The following AK5 variants were observed in gnomAD, a reference collection of about 807,000 sequenced individuals.
AK5 encodes adenylate kinase isoenzyme 5.
A neutral mutation model predicts 69.5 loss-of-function variants in AK5; 27 were observed. That is an observed-to-expected ratio of 0.39 (90% CI 0.29 to 0.54). AK5 has a LOEUF of 0.54. Among genes scored for constraint, AK5 ranks in the 20% least tolerant of loss-of-function variants. AK5 has a pLI of 0.71. For synonymous variants in AK5, 260 were observed against 244.4 expected (o/e 1.06, Z -0.60); for missense variants, 531 against 700.4 (o/e 0.76, Z 2.73).
chr1:77,339,873 G>A (rs1404723428), intron 5 of AK5, among the ~76,000 whole-genome samples: 1 of 151,990 alleles, frequency 6.6e-6, no homozygotes, highest in East Asian at 1.9e-4. Context: ...TCCCGCCTCA[G>A]CCTCCCAAAG....
intron 13 of AK5, among the ~76,000 whole-genome samples, chr1:77,553,429 T>C (rs557141726): frequency 4.6e-5 from 7 of 152,362 alleles, no homozygotes; most frequent in Non-Finnish European, 7.3e-5. Flanking sequence ...AAAGTCCCAC[T>C]ACACATGTGC....
intron 6 of AK5, among the ~76,000 whole-genome samples, chr1:77,408,848 A>G (rs1438131990): frequency 6.6e-6 from 1 of 152,016 alleles, no homozygotes; most frequent in Non-Finnish European, 1.5e-5. Flanking sequence ...TATACATATT[A>G]TTTCATCACC....
chr1:77,522,182 ACTCT>A (rs931938898), intron 12 of AK5, among the ~76,000 whole-genome samples: 4 of 148,132 alleles, frequency 2.7e-5, no homozygotes, highest in Admixed American at 6.7e-5. Context: ...CAATTGTCTG[ACTCT>A]CTCTCTCTCT....
At position 77,390,244 on chromosome 1, in the gene AK5, A is replaced by G. The variant is rs114014445; in HGVS notation, c.892-20737A>G. On this transcript the variant is annotated intron_variant, in intron 6 of 13. Coordinates refer to ENST00000354567, the MANE Select transcript of AK5 (RefSeq NM_174858.3). ...TTATGTTTAGTTTCTTTAAAAAGCC[A>G]CATAAGCACAGTTCTAATGGTGTGA... is the stretch of plus-strand genomic sequence containing the variant. Among the ~76,000 whole-genome samples, 234 of 152,388 alleles carry G rather than the reference A, an allele frequency of 1.5e-3. 2 individuals carry two copies. Among genetic ancestry groups the G allele is most frequent in the African/African-American group, 5.4e-3 (225 of 41,592 alleles).
intron 1 of AK5, among the ~76,000 whole-genome samples, chr1:77,285,686 A>T (rs566194593): frequency 6.6e-6 from 1 of 152,300 alleles, no homozygotes; most frequent in East Asian, 1.9e-4. Context: ...GACACATCAG[A>T]CACCATGAAC....
In AK5 at chr1:77,557,532, C is replaced by T. The variant is rs150502075; in HGVS notation, c.1621-1070C>T. ...GGAGAAGGGGCAGTACTTTCGTGCC[C>T]AGAAAATCAGCTTCCCTTCATATGT... On this transcript the variant is annotated intron_variant, in intron 13 of 13. Coordinates refer to ENST00000354567, the MANE Select transcript of AK5 (RefSeq NM_174858.3). 4.6e-3 allele frequency among the ~76,000 whole-genome samples: 705 copies of T among 152,178 alleles called. 5 individuals carry two copies. The highest frequency in any genetic ancestry group is 0.016 in the African/African-American group (676 of 41,520).
At chr1:77,323,155 AT>A (rs961647524) in intron 5 of AK5, among the ~76,000 whole-genome samples, 6 of 151,614 alleles carry the variant, frequency 4.0e-5, no homozygotes, top group Non-Finnish European at 8.8e-5. Flanking sequence ...CGCCCGGCTA[AT>A]TTTTTTTGTA....
intron 8 of AK5, among the ~76,000 whole-genome samples, chr1:77,454,229 A>G (rs1653335950): frequency 1.3e-5 from 2 of 152,178 alleles, no homozygotes; most frequent in Non-Finnish European, 2.9e-5. Context: ...CTCCATTTAT[A>G]AACTACCAAC....
At chr1:77,388,250 A>C (rs1327295952) in intron 6 of AK5, among the ~76,000 whole-genome samples, 1 of 152,200 alleles carries the variant, frequency 6.6e-6, no homozygotes, top group Non-Finnish European at 1.5e-5. Flanking sequence ...GCTTATTCAG[A>C]TCAATCTCAC....
intron 8 of AK5, among the ~76,000 whole-genome samples, chr1:77,422,005 CA>C (rs1196521898): frequency 6.6e-6 from 1 of 152,112 alleles, no homozygotes; most frequent in Non-Finnish European, 1.5e-5. Flanking sequence ...TCAACATGTC[CA>C]AAACCACGCT....
chr1:77,455,328 C>G (rs1653410521), intron 8 of AK5, among the ~76,000 whole-genome samples: 1 of 152,122 alleles, frequency 6.6e-6, no homozygotes, highest in African/African-American at 2.4e-5. Context: ...GAGGGCAGAG[C>G]CATCATGAAG....
At chr1:77,393,239 A>G (rs965054466) in intron 6 of AK5, among the ~76,000 whole-genome samples, 2 of 152,212 alleles carry the variant, frequency 1.3e-5, no homozygotes, top group Admixed American at 6.5e-5. Flanking sequence ...GAGTAAACAC[A>G]TCAATCTAGC....
chr1:77,305,981 T>A (rs1779179), intron 5 of AK5, among the ~76,000 whole-genome samples: 126,262 of 147,238 alleles, frequency 0.86, 52,702 homozygotes, highest in South Asian at 0.9. Context: ...TGAAAATGGA[T>A]TTTTTTTTCA....
intron 10 of AK5, among the ~76,000 whole-genome samples, chr1:77,497,199 G>A (rs920178723): frequency 6.6e-6 from 1 of 152,116 alleles, no homozygotes; most frequent in Non-Finnish European, 1.5e-5. Context: ...CCACCCTTAA[G>A]AGCTGTAACG....
chr1:77,438,580 C>T (rs1301312639), intron 8 of AK5, among the ~76,000 whole-genome samples: 1 of 151,978 alleles, frequency 6.6e-6, no homozygotes, highest in Non-Finnish European at 1.5e-5. Flanking sequence ...TTTATTTTTG[C>T]TCTGGGAAGA....
At chr1:77,432,337 C>G (rs1398990760) in intron 8 of AK5, among the ~76,000 whole-genome samples, 1 of 152,078 alleles carries the variant, frequency 6.6e-6, no homozygotes, top group African/African-American at 2.4e-5. Flanking sequence ...ATTTGAGCAA[C>G]AAGGGAGGCT....
rs1365324407 is a variant in AK5, at chr1:77,403,728, C to T, written c.892-7253C>T. Among the ~76,000 whole-genome samples the T allele has an allele frequency of 5.3e-5, 8 of 152,214 alleles. No individual in the cohort carries two copies. In the East Asian group the frequency reaches 5.8e-4, roughly 11 times the overall value. The stretch of plus-strand genomic sequence containing the variant: ...TGTAGTATAGTTTGAAGTCAGGTAG[C>T]GTGATGCCTCCAGCTTTGTTCTTTT... On this transcript the variant is annotated intron_variant, in intron 6 of 13. Coordinates refer to ENST00000354567, the MANE Select transcript of AK5 (RefSeq NM_174858.3).
At chr1:77,413,158 A>G (rs1013873374) in intron 7 of AK5, among the ~76,000 whole-genome samples, 3 of 152,084 alleles carry the variant, frequency 2.0e-5, no homozygotes, top group Middle Eastern at 6.8e-3. Context: ...TTACTGCCAT[A>G]ACATCCCCTC....
Position 77,518,367 on chromosome 1 carries a change from G to A in AK5, c.1148-197G>A, listed in dbSNP as rs114130372. Reference sequence around the variant, plus strand: ...CCCTCCCGCTTCATGGATAATCTAAGCTCTTTAAAGGCAAGGGCTGCATCC... The same window carrying A: ...CCCTCCCGCTTCATGGATAATCTAAACTCTTTAAAGGCAAGGGCTGCATCC... On this transcript the variant is annotated intron_variant, in intron 10 of 13. Coordinates refer to ENST00000354567, the MANE Select transcript of AK5 (RefSeq NM_174858.3). 2.8e-3 allele frequency among the ~76,000 whole-genome samples: 420 copies of A among 152,282 alleles called. 1 individual carries two copies. The highest frequency in any genetic ancestry group is 4.5e-3 in the Non-Finnish European group (307 of 68,018).
Sources: gnomAD v4.1 joint callset for allele counts (sites outside exome capture counted in the v4.1 genomes callset) on GRCh38, gnomAD v4.1.1 for gene constraint, MANE v1.5 for transcripts, NCBI Gene and HGNC (gene_info 2026-07-23, HGNC 2026-07-21) for gene names.